PTPRN2: variants seen among roughly 807,000 people sequenced by gnomAD.
PTPRN2 encodes the protein receptor-type tyrosine-protein phosphatase N2.
PTPRN2 carries 74 observed loss-of-function variants against 118.8 expected under a neutral mutation model. The ratio of observed to expected loss-of-function variants is 0.62; its 90% CI spans 0.52 to 0.76. The LOEUF (loss-of-function observed/expected upper bound fraction) is 0.76, where lower values mean the gene tolerates loss of function less well. Ranked by LOEUF, PTPRN2 falls within the 30% of genes least tolerant of loss-of-function variation. The pLI, the probability that PTPRN2 is intolerant of heterozygous loss-of-function variation, is 0.00. For synonymous variants in PTPRN2, 641 were observed against 608.0 expected (o/e 1.05, Z -0.80); for missense variants, 1,481 against 1,394.4 (o/e 1.06, Z -0.99).
At chr7:158,571,525 CTTTTT>C (rs552051165) in intron 1 of PTPRN2, among the ~76,000 whole-genome samples, 2 of 71,804 alleles carry the variant, frequency 2.8e-5, no homozygotes, top group African/African-American at 4.6e-5. Context: ...ACACCTATTT[CTTTTT>C]TTTTTTTTTT....
intron 12 of PTPRN2, among the ~76,000 whole-genome samples, chr7:157,825,615 TAA>T (rs1245604403): frequency 6.6e-6 from 1 of 152,212 alleles, no homozygotes; most frequent in Non-Finnish European, 1.5e-5. Flanking sequence ...GCTCCCGTGT[TAA>T]GAGGACGAGT....
At chr7:157,543,023 G>A (rs550774897) in intron 22 of PTPRN2, among the ~76,000 whole-genome samples, 53 of 152,294 alleles carry the variant, frequency 3.5e-4, no homozygotes, top group Non-Finnish European at 5.9e-4. Context: ...AGCAGAATCC[G>A]CTGAGCAAGT....
chr7:158,343,227 A>G (rs557251890), intron 2 of PTPRN2, among the ~76,000 whole-genome samples: 2 of 152,306 alleles, frequency 1.3e-5, no homozygotes, highest in East Asian at 1.9e-4. Flanking sequence ...AAACCTGATT[A>G]AAAACGGGTA....
At chr7:157,742,820 AC>A (rs1800710000) in intron 12 of PTPRN2, among the ~76,000 whole-genome samples, 1 of 152,230 alleles carries the variant, frequency 6.6e-6, no homozygotes, top group Admixed American at 6.5e-5. Context: ...GATGATACCA[AC>A]TTGGAGCTTA....
chr7:158,388,181 C>T (rs554588441), intron 2 of PTPRN2, among the ~76,000 whole-genome samples: 1 of 152,140 alleles, frequency 6.6e-6, no homozygotes, highest in Non-Finnish European at 1.5e-5. Flanking sequence ...CCTGTCCACA[C>T]TGAACAAGAA....
intron 2 of PTPRN2, among the ~76,000 whole-genome samples, chr7:158,346,706 G>A (rs1437335320): frequency 1.3e-5 from 2 of 152,162 alleles, no homozygotes; most frequent in African/African-American, 4.8e-5. Flanking sequence ...CATAATGACT[G>A]TACCGATTTA....
chr7:158,381,966 C>T (rs1810998450), intron 2 of PTPRN2, among the ~76,000 whole-genome samples: 1 of 152,128 alleles, frequency 6.6e-6, no homozygotes, highest in South Asian at 2.1e-4. Context: ...AAGTGCCTCC[C>T]ACTGGGTCTC....
chr7:158,523,969 CGGCCCTGGAGTGGA>C, intron 1 of PTPRN2, among the ~76,000 whole-genome samples: 12 of 64,958 alleles, frequency 1.8e-4, no homozygotes, highest in Non-Finnish European at 2.9e-4. Flanking sequence ...GGAGTGGAGT[CGGCCCTGGAGTGGA>C]GTCTGCCCTG....
intron 9 of PTPRN2, among the ~76,000 whole-genome samples, chr7:158,129,225 CCA>C (rs1438084458): frequency 6.7e-6 from 1 of 149,144 alleles, no homozygotes; most frequent in Admixed American, 6.7e-5. Flanking sequence ...ACACAGCACA[CCA>C]CACACGACAC....
chr7:158,388,708 G>A lies in PTPRN2; in HGVS notation c.164-71776C>T, dbSNP rs530671659. On this transcript the variant is annotated intron_variant, in intron 2 of 22. Coordinates refer to ENST00000389418, the MANE Select transcript of PTPRN2 (RefSeq NM_002847.5). ...AACCCCCCAAGAGTTGGGGGGGCCTGAAAGGCCCAACCATCTAATGGTGCC... is the reference window on the plus strand; with the variant it reads ...AACCCCCCAAGAGTTGGGGGGGCCTAAAAGGCCCAACCATCTAATGGTGCC... 2.0e-5 allele frequency among the ~76,000 whole-genome samples: 3 copies of A among 152,260 alleles called. No homozygotes were observed. In the South Asian group the frequency reaches 6.2e-4, roughly 32 times the overall value.
Position 158,528,318 on chromosome 7 carries a change from T to TG in PTPRN2, c.113-38534dup, listed in dbSNP as rs1586878383. The stretch of plus-strand genomic sequence containing the variant: ...CTCCAGATGCTGCTGAGGTTTGCCA[T>TG]GGGGTATGAACGCCAGGTGACGTCC... On this transcript the variant is annotated intron_variant, in intron 1 of 22. Coordinates refer to ENST00000389418, the MANE Select transcript of PTPRN2 (RefSeq NM_002847.5). Among the ~76,000 whole-genome samples the TG allele has an allele frequency of 2.0e-5, 3 of 152,132 alleles. No homozygotes were observed. In the East Asian group the frequency reaches 5.8e-4, roughly 30 times the overall value.
chr7:158,009,944 G>C (rs558613583), intron 11 of PTPRN2, among the ~76,000 whole-genome samples: 109 of 152,224 alleles, frequency 7.2e-4, no homozygotes, highest in African/African-American at 2.6e-3. Context: ...CCCACCATGG[G>C]CACCAGCCAA....
rs1563239878 is a variant in PTPRN2, at chr7:157,590,685, G to T, written c.2496+4553C>A. ...TGATGGGGCCTCGCGGTGCCATGCT[G>T]GGGGAGAGGCTGGTGAGCATGGAGT... On this transcript the variant is annotated intron_variant, in intron 17 of 22. Coordinates refer to ENST00000389418, the MANE Select transcript of PTPRN2 (RefSeq NM_002847.5). This position sits in a 1 kb window ranked among gnomAD's most constrained non-coding sequence, Gnocchi z 4.0. Among the ~76,000 whole-genome samples the T allele has an allele frequency of 6.6e-6, 1 of 151,674 alleles. No individual in the cohort carries two copies. The highest frequency in any genetic ancestry group is 1.5e-5 in the Non-Finnish European group (1 of 67,870).
intron 11 of PTPRN2, among the ~76,000 whole-genome samples, chr7:158,062,962 G>A (rs544762421): frequency 5.9e-5 from 9 of 152,364 alleles, no homozygotes; most frequent in East Asian, 3.9e-4. Context: ...GTGGGCTCAC[G>A]GTGCACGACT....
At chr7:158,261,347 G>T (rs78559762) in intron 3 of PTPRN2, among the ~76,000 whole-genome samples, 1 of 151,798 alleles carries the variant, frequency 6.6e-6, no homozygotes, top group Admixed American at 6.6e-5. Context: ...ACAGCCCCTG[G>T]GAAATAATAA....
chr7:158,080,776 C>T (rs1455822426), intron 11 of PTPRN2, among the ~76,000 whole-genome samples: 1 of 152,178 alleles, frequency 6.6e-6, no homozygotes, highest in East Asian at 1.9e-4. Context: ...GAACCCTGGG[C>T]TCTAAACAGT....
intron 3 of PTPRN2, among the ~76,000 whole-genome samples, chr7:158,242,087 C>T (rs187023119): frequency 3.3e-5 from 5 of 152,348 alleles, no homozygotes; most frequent in African/African-American, 7.2e-5. Flanking sequence ...GGTTCACCCA[C>T]CCGGTAGAGC....
At chr7:158,308,632 A>G (rs1801475036) in intron 3 of PTPRN2, among the ~76,000 whole-genome samples, 2 of 152,066 alleles carry the variant, frequency 1.3e-5, no homozygotes, top group Non-Finnish European at 2.9e-5. Context: ...TTGAAAATTA[A>G]GTTGGTATTA....
intron 1 of PTPRN2, among the ~76,000 whole-genome samples, chr7:158,581,578 A>C (rs1287004422): frequency 6.6e-6 from 1 of 152,206 alleles, no homozygotes; most frequent in African/African-American, 2.4e-5. Context: ...TCGGTTTTGT[A>C]ACTATTAGTT....
Sources: allele counts gnomAD v4.1 joint callset (sites outside exome capture counted in the v4.1 genomes callset), GRCh38; gene constraint gnomAD v4.1.1; non-coding constraint Gnocchi (gnomAD v3.1); transcripts MANE v1.5; gene names NCBI Gene and HGNC (gene_info 2026-07-23, HGNC 2026-07-21).